RAD21L1: variants seen among roughly 807,000 people sequenced by gnomAD.
RAD21L1 encodes the protein RAD21 cohesin complex component like 1.
RAD21L1 carries 47 observed loss-of-function variants against 69.0 expected under a neutral mutation model. The ratio of observed to expected loss-of-function variants is 0.68; its 90% CI spans 0.54 to 0.87. RAD21L1 has a LOEUF of 0.87. Among genes scored for constraint, RAD21L1 ranks in the 40% least tolerant of loss-of-function variants. The probability of loss-of-function intolerance (pLI) is 0.00; values close to 1 mark genes in which losing one functional copy is unlikely to be tolerated. For synonymous variants in RAD21L1, 177 were observed against 205.8 expected (o/e 0.86, Z 1.20); for missense variants, 583 against 647.6 (o/e 0.90, Z 1.08).
chr20:1,252,470 T>C (rs1408603089), intron 13 of RAD21L1, among the ~76,000 whole-genome samples: 1 of 152,188 alleles, frequency 6.6e-6, no homozygotes, highest in East Asian at 1.9e-4. Context: ...TGCCAGTGGC[T>C]CAGGAACCAA....
At position 1,246,131 on chromosome 20, in the gene RAD21L1, GA is replaced by G. The variant is rs1458571414; in HGVS notation, c.1309-81del. On this transcript the variant is annotated intron_variant, in intron 11 of 13. Coordinates refer to ENST00000683101, the MANE Select transcript of RAD21L1 (RefSeq NM_001384355.1). The surrounding 1 kb of genome is among the most constrained non-coding windows in gnomAD (Gnocchi z 4.6). Reference sequence around the variant, plus strand: ...TAGTTTGAGAAGTGAGCATTCATGTGATTAAAGCATTTAATAAAATTAGATT... The same window carrying G: ...TAGTTTGAGAAGTGAGCATTCATGTGTTAAAGCATTTAATAAAATTAGATT... 4 of 628,136 alleles carry G rather than the reference GA, an allele frequency of 6.4e-6. No individual in the cohort carries two copies. Among genetic ancestry groups the G allele is most frequent in the Non-Finnish European group, 1.1e-5 (4 of 380,664 alleles). 38.9% of individuals were successfully genotyped at this position (628,136 alleles called of 1,614,324 possible). A position where few individuals can be genotyped will look rare whatever the true frequency, so the allele number is the denominator to read the frequency against.
In RAD21L1 at chr20:1,246,474, CT is replaced by C. The variant is rs2122136612; in HGVS notation, c.1401+170del. ...TTTGTGAATAGTTTGATAAAATATT[CT>C]GAATTGCTCTGATTTTTTTGTCTTT... On this transcript the variant is annotated intron_variant, in intron 12 of 13. Coordinates refer to ENST00000683101, the MANE Select transcript of RAD21L1 (RefSeq NM_001384355.1). This position sits in a 1 kb window ranked among gnomAD's most constrained non-coding sequence, Gnocchi z 4.6. 6.6e-6 allele frequency among the ~76,000 whole-genome samples: 1 copy of C among 152,172 alleles called. No individual in the cohort carries two copies. Among genetic ancestry groups the C allele is most frequent in the East Asian group, 1.9e-4 (1 of 5,182 alleles).
At chr20:1,237,028 G>A (rs1170240231) in intron 5 of RAD21L1, among the ~76,000 whole-genome samples, 5 of 152,124 alleles carry the variant, frequency 3.3e-5, no homozygotes, top group Non-Finnish European at 7.4e-5. Flanking sequence ...TTTCTTCTGA[G>A]CAATTCTTTA....
intron 5 of RAD21L1, among the ~76,000 whole-genome samples, chr20:1,236,706 C>T (rs542364394): frequency 1.3e-5 from 2 of 152,284 alleles, no homozygotes; most frequent in East Asian, 1.9e-4. Context: ...CCCCTTATTC[C>T]TTCCTTTAAT....
At chr20:1,233,148 G>A (rs1003127097) in intron 4 of RAD21L1, among the ~76,000 whole-genome samples, 1 of 152,122 alleles carries the variant, frequency 6.6e-6, no homozygotes. Flanking sequence ...CTAGTGGCCC[G>A]AATGGACTAA....
intron 3 of RAD21L1, chr20:1,230,470 A>G (rs2087366675): frequency 8.5e-6 from 6 of 706,052 alleles, no homozygotes; most frequent in Non-Finnish European, 1.0e-5. Context: ...AGAGATTTAC[A>G]TATGTCATAA....
chr20:1,238,620 C>T (rs993167111), intron 6 of RAD21L1, among the ~76,000 whole-genome samples: 9 of 151,686 alleles, frequency 5.9e-5, no homozygotes, highest in Admixed American at 2.6e-4. Flanking sequence ...ATTTATATTC[C>T]CCTGCTTAAG....
At position 1,235,271 on chromosome 20, in the gene RAD21L1, G is replaced by A. The variant is rs1035377111; in HGVS notation, c.475+1080G>A. 2.0e-5 allele frequency among the ~76,000 whole-genome samples: 3 copies of A among 152,076 alleles called. No individual in the cohort carries two copies. The East Asian group carries it at 5.8e-4, about 29-fold the overall frequency. Reference sequence around the variant, plus strand: ...ATGGCCTATGTCTATCTTGGTCGGGGAGGGGAGTCAAGAAAGTAATGCTTG... The same window carrying A: ...ATGGCCTATGTCTATCTTGGTCGGGAAGGGGAGTCAAGAAAGTAATGCTTG... On this transcript the variant is annotated intron_variant, in intron 5 of 13. Coordinates refer to ENST00000683101, the MANE Select transcript of RAD21L1 (RefSeq NM_001384355.1).
rs1423068887 is a variant in RAD21L1 at position 1,242,790 on chromosome 20, T to C, written c.1028T>C (p.Val343Ala). The change falls in exon 9 of 14, where the codon GTG becomes GCG. Residue 343 changes from valine (V) to alanine (A), a missense_variant. Transcript: ENST00000683101. ...ATGATGTGGAAGAAGAGGGGAGGAG[T>C]GCATACACTTCTGTCAACTGCTGCC... ...RLMMWKKRGG[V>A]HTLLSTAAQD... 1.3e-6 allele frequency: 2 copies of C among 1,551,286 alleles called. No homozygotes were observed. Among genetic ancestry groups the C allele is most frequent in the South Asian group, 1.2e-5 (1 of 84,052 alleles).
chr20:1,230,420 T>C (rs111633117), intron 3 of RAD21L1: 4,443 of 297,550 alleles, frequency 0.015, 210 homozygotes, highest in African/African-American at 0.094. Context: ...CAGCTTGCTA[T>C]TTATGACATA....
rs1171363351 is a variant in RAD21L1 at position 1,255,747 on chromosome 20, A to G, written c.*1290A>G. ...CTTTGTAGTAACCCCCTTCCCCCAT[A>G]TAACATCTGGCAACCACTCTTCTCC... On this transcript the variant is annotated 3_prime_UTR_variant, in exon 14 of 14. Transcript: ENST00000683101. 6.6e-6 allele frequency among the ~76,000 whole-genome samples: 1 copy of G among 152,128 alleles called. No homozygotes were observed. The highest frequency in any genetic ancestry group is 1.5e-5 in the Non-Finnish European group (1 of 68,014).
rs2087312996 is a variant in RAD21L1, at chr20:1,228,549, A to G, written c.96A>G (p.Val32=). 8.4e-6 allele frequency: 13 copies of G among 1,549,902 alleles called. No homozygotes were observed. Among genetic ancestry groups the G allele is most frequent in the Non-Finnish European group, 1.1e-5 (13 of 1,146,238 alleles). ...AGAAGAAACTCACAAAGGCCCATGT[A>G]TTTGAATGTAATCTAGAGATAACCA... ...HWEKKLTKAH[V]FECNLEITIE... Residue 32 remains valine (V), a synonymous_variant, in exon 2 of 14, where the codon GTA becomes GTG. Transcript: ENST00000683101.
At chr20:1,247,533 G>A (rs2087740915) in intron 12 of RAD21L1, among the ~76,000 whole-genome samples, 2 of 152,118 alleles carry the variant, frequency 1.3e-5, no homozygotes, top group South Asian at 4.1e-4. Flanking sequence ...CTAGAATAAA[G>A]TGACCGTATT....
intron 13 of RAD21L1, 60 bp from the exon 14 acceptor site, chr20:1,254,205 AGCCG>A: frequency 2.6e-6 from 3 of 1,139,286 alleles, no homozygotes; most frequent in Non-Finnish European, 3.6e-6. Flanking sequence ...ACGCATTTAT[AGCCG>A]GCTTTACTTC....
At chr20:1,236,918 A>G (rs1232897777) in intron 5 of RAD21L1, among the ~76,000 whole-genome samples, 1 of 152,224 alleles carries the variant, frequency 6.6e-6, no homozygotes, top group African/African-American at 2.4e-5. Flanking sequence ...CATAAGTCTT[A>G]TTCTCTGATT....
intron 3 of RAD21L1, chr20:1,230,788 T>C (rs958080737): frequency 2.0e-6 from 1 of 503,722 alleles, no homozygotes; most frequent in African/African-American, 2.1e-5. Context: ...GTATGGTTCA[T>C]TTGTTCGTTT....
At chr20:1,235,193 A>G (rs899402251) in intron 5 of RAD21L1, among the ~76,000 whole-genome samples, 1 of 152,144 alleles carries the variant, frequency 6.6e-6, no homozygotes, top group Non-Finnish European at 1.5e-5. Flanking sequence ...AATCTGTGTA[A>G]TGTTCATATT....
rs2087312786 is a variant in RAD21L1, at chr20:1,228,546, T to C, written c.93T>C (p.His31=). The C allele has an allele frequency of 2.6e-6, 4 of 1,549,938 alleles. No individual in the cohort carries two copies. The highest frequency in any genetic ancestry group is 1.7e-6 in the Non-Finnish European group (2 of 1,146,212). The change falls in exon 2 of 14, where the codon CAT becomes CAC. Residue 31 remains histidine (H), a synonymous_variant. Coordinates refer to ENST00000683101, the MANE Select transcript of RAD21L1 (RefSeq NM_001384355.1). The part of the protein sequence containing the change: ...AHWEKKLTKA[H]VFECNLEITI... ...GGGAGAAGAAACTCACAAAGGCCCA[T>C]GTATTTGAATGTAATCTAGAGATAA...
chr20:1,238,650 T>C (rs1024602922), intron 6 of RAD21L1, among the ~76,000 whole-genome samples: 2 of 152,080 alleles, frequency 1.3e-5, no homozygotes, highest in African/African-American at 4.8e-5. Context: ...CCCCATGACT[T>C]ACTGTATCAA....
Sources: gnomAD v4.1 joint callset for allele counts (sites outside exome capture counted in the v4.1 genomes callset) on GRCh38, gnomAD v4.1.1 for gene constraint, Gnocchi (gnomAD v3.1) non-coding constraint, MANE v1.5 for transcripts, NCBI Gene and HGNC (gene_info 2026-07-23, HGNC 2026-07-21) for gene names.